The following RIMKLB variants were observed in gnomAD, a reference collection of about 807,000 sequenced individuals.
RIMKLB encodes beta-citrylglutamate synthase B.
A neutral mutation model predicts 32.0 loss-of-function variants in RIMKLB; 7 were observed. The ratio of observed to expected loss-of-function variants is 0.22; its 90% CI spans 0.12 to 0.41. The LOEUF is 0.41. RIMKLB is among the 10% of genes least tolerant of loss of function. The pLI, the probability that RIMKLB is intolerant of heterozygous loss-of-function variation, is 1.00. For synonymous variants in RIMKLB, 172 were observed against 185.1 expected (o/e 0.93, Z 0.57); for missense variants, 289 against 498.7 (o/e 0.58, Z 4.00).
chr12:8,680,665 C>T (rs1280963134), upstream of RIMKLB, among the ~76,000 whole-genome samples: 7 of 152,130 alleles, frequency 4.6e-5, no homozygotes, highest in African/African-American at 1.7e-4. Flanking sequence ...GATGGGGACC[C>T]CTTTCCTGTA....
intron 1 of RIMKLB, among the ~76,000 whole-genome samples, chr12:8,707,047 G>A (rs575135703): frequency 8.7e-4 from 132 of 152,244 alleles, no homozygotes; most frequent in African/African-American, 2.3e-3. Flanking sequence ...ATGAGAGAGC[G>A]TGGAAAAACA....
intron 2 of RIMKLB, among the ~76,000 whole-genome samples, chr12:8,735,958 G>A (rs185615348): frequency 7.8e-4 from 119 of 152,130 alleles, no homozygotes; most frequent in African/African-American, 2.6e-3. Context: ...TCAAACTCCC[G>A]ACCTCAGGTG....
chr12:8,686,357 C>G (rs1275105384), intron 1 of RIMKLB, among the ~76,000 whole-genome samples: 2 of 151,950 alleles, frequency 1.3e-5, no homozygotes, highest in African/African-American at 2.4e-5. Flanking sequence ...TGCAGTAGCC[C>G]GATCTCTGCA....
intron 2 of RIMKLB, among the ~76,000 whole-genome samples, chr12:8,718,855 G>C (rs1194921319): frequency 2.6e-5 from 4 of 152,106 alleles, no homozygotes; most frequent in African/African-American, 4.8e-5. Context: ...TGTTGAACTT[G>C]ATGAACTGAC....
At chr12:8,779,998 A>G (rs1490770490), downstream of RIMKLB, 1 of 152,244 alleles carries the variant, frequency 6.6e-6, no homozygotes, top group Non-Finnish European at 1.5e-5. Flanking sequence ...CCCACTGCTT[A>G]TATGGGCATA....
intron 3 of RIMKLB, among the ~76,000 whole-genome samples, chr12:8,751,273 G>T (rs1350849429): frequency 6.6e-6 from 1 of 152,102 alleles, no homozygotes; most frequent in Non-Finnish European, 1.5e-5. Flanking sequence ...TCATAATTTT[G>T]CAACGCTACA....
exon 1 of RIMKLB, chr12:8,681,630 G>A (rs1942410487): frequency 6.6e-6 from 1 of 152,164 alleles, no homozygotes; most frequent in African/African-American, 2.4e-5. Context: ...CTGGAGAGGG[G>A]GCTGGAAATA....
At chr12:8,752,135 G>A in intron 4 of RIMKLB, 92 bp downstream of exon 4, 1 of 816,824 alleles carries the variant, frequency 1.2e-6, no homozygotes, top group African/African-American at 1.7e-5. Context: ...GAGGGAAATT[G>A]TTAGATGCAT....
chr12:8,772,215 C>T (rs1032758316), intron 5 of RIMKLB, among the ~76,000 whole-genome samples: 1 of 152,154 alleles, frequency 6.6e-6, no homozygotes, highest in Non-Finnish European at 1.5e-5. Flanking sequence ...TTTCACCTCA[C>T]ATTTTTAGCT....
intron 2 of RIMKLB, among the ~76,000 whole-genome samples, chr12:8,736,456 T>C (rs1208414719): frequency 6.6e-6 from 1 of 152,030 alleles, no homozygotes; most frequent in Admixed American, 6.6e-5. Context: ...CCGTGTAGTT[T>C]GTTTGTTTGT....
At chr12:8,682,803 T>TAAAAAAAA (rs34405359) in intron 1 of RIMKLB, among the ~76,000 whole-genome samples, 1 of 132,430 alleles carries the variant, frequency 7.6e-6, no homozygotes, top group African/African-American at 2.8e-5. Flanking sequence ...ATAAATAAAT[T>TAAAAAAAA]AAAAAAAAAA....
intron 5 of RIMKLB, among the ~76,000 whole-genome samples, 199 bp from the exon 6 acceptor site, chr12:8,773,121 AT>A (rs1950537683): frequency 6.6e-6 from 1 of 151,932 alleles, no homozygotes; most frequent in Non-Finnish European, 1.5e-5. Flanking sequence ...AACTTACGAA[AT>A]CATCAATTCC....
chr12:8,778,439 AAGG>A (rs1411061301), downstream of RIMKLB, among the ~76,000 whole-genome samples: 1 of 152,216 alleles, frequency 6.6e-6, no homozygotes, highest in Non-Finnish European at 1.5e-5. Context: ...TAGTTCTAAC[AAGG>A]AGATGTGAGC....
intron 2 of RIMKLB, among the ~76,000 whole-genome samples, chr12:8,715,078 A>G (rs1022947670): frequency 1.3e-5 from 2 of 152,172 alleles, no homozygotes; most frequent in African/African-American, 4.8e-5. Flanking sequence ...TAGGTTGAGT[A>G]TCACACTAAG....
chr12:8,767,621 G>A (rs1469002423), intron 5 of RIMKLB, among the ~76,000 whole-genome samples: 1 of 152,188 alleles, frequency 6.6e-6, no homozygotes, highest in Non-Finnish European at 1.5e-5. Flanking sequence ...GTTGAGTAGA[G>A]ACTTCTGTCT....
chr12:8,781,329 C>T (rs1233357985), downstream of RIMKLB, among the ~76,000 whole-genome samples: 1 of 152,130 alleles, frequency 6.6e-6, no homozygotes, highest in Non-Finnish European at 1.5e-5. Flanking sequence ...GCAACAAGAA[C>T]AAAACTCCAT....
chr12:8,686,010 A>G (rs1942559997), intron 1 of RIMKLB, among the ~76,000 whole-genome samples: 1 of 151,654 alleles, frequency 6.6e-6, no homozygotes, highest in Admixed American at 6.6e-5. Flanking sequence ...GTTTCACCAT[A>G]TTGGCCTGGA....
At position 8,713,989 on chromosome 12, in the gene RIMKLB, T is replaced by C. The variant is rs200383619; in HGVS notation, c.123T>C (p.Phe41=). 1.9e-5 allele frequency: 31 copies of C among 1,613,896 alleles called. No individual in the cohort carries two copies. Among genetic ancestry groups the C allele is most frequent in the Non-Finnish European group, 2.4e-5 (28 of 1,179,984 alleles). ...AATGTTGTGAGGAGGAACTGGACTT[T>C]AGGGCTGTGGTGATGGATGAGGTGG... ...KAKCCEEELD[F]RAVVMDEVVL... is the part of the protein sequence containing the mutation. The change falls in exon 2 of 6, where the codon TTT becomes TTC. Residue 41 remains phenylalanine, a synonymous_variant. Transcript: ENST00000535829.
intron 1 of RIMKLB, among the ~76,000 whole-genome samples, chr12:8,682,545 G>A (rs1168452985): frequency 6.6e-6 from 1 of 152,036 alleles, no homozygotes; most frequent in East Asian, 1.9e-4. Context: ...GGCCGAGGCG[G>A]GCGGATAACG....
Sources: allele counts gnomAD v4.1 joint callset (sites outside exome capture counted in the v4.1 genomes callset), GRCh38; gene constraint gnomAD v4.1.1; transcripts MANE v1.5; gene names NCBI Gene and HGNC (gene_info 2026-07-23, HGNC 2026-07-21).